BCAR3: variants seen among roughly 807,000 people sequenced by gnomAD.
BCAR3 encodes BCAR3 adaptor protein, NSP family member.
In BCAR3, 37 loss-of-function variants were observed where a neutral mutation model predicts 80.1. That is an observed-to-expected ratio of 0.46 (90% CI 0.36 to 0.61). The LOEUF is 0.61. Ranked by LOEUF, BCAR3 falls within the 20% of genes least tolerant of loss-of-function variation. The pLI, the probability that BCAR3 is intolerant of heterozygous loss-of-function variation, is 0.00. For synonymous variants in BCAR3, 389 were observed against 418.9 expected (o/e 0.93, Z 0.87); for missense variants, 978 against 1,068.2 (o/e 0.92, Z 1.18).
intron 2 of BCAR3, among the ~76,000 whole-genome samples, chr1:93,740,644 G>A (rs760201075): frequency 7.2e-5 from 11 of 151,780 alleles, no homozygotes; most frequent in Non-Finnish European, 1.0e-4. Flanking sequence ...GCTCCTTCCC[G>A]CCCCAAAAAC....
chr1:93,569,483 CCT>C (rs1286959901), intron 9 of BCAR3, among the ~76,000 whole-genome samples: 1 of 152,260 alleles, frequency 6.6e-6, no homozygotes, highest in Non-Finnish European at 1.5e-5. Context: ...ACACCCACTC[CCT>C]GAGGCATTGC....
chr1:93,728,801 CT>C (rs1048011136), intron 2 of BCAR3, among the ~76,000 whole-genome samples: 15 of 152,276 alleles, frequency 9.9e-5, no homozygotes, highest in African/African-American at 3.6e-4. Flanking sequence ...ATCCAGCCAT[CT>C]GTGTGTCTGC....
intron 2 of BCAR3, among the ~76,000 whole-genome samples, chr1:93,659,173 G>C (rs1647532675): frequency 6.6e-6 from 1 of 152,134 alleles, no homozygotes; most frequent in Non-Finnish European, 1.5e-5. Flanking sequence ...GGGAAACAGA[G>C]ATAGCAACAG....
chr1:93,675,925 C>CAAAAAAAAAAAAAAAAAAA lies in BCAR3; in HGVS notation c.-11-1003_-11-985dup, dbSNP rs58706715. Among the ~76,000 whole-genome samples, 6 of 51,440 alleles carry CAAAAAAAAAAAAAAAAAAA rather than the reference C, an allele frequency of 1.2e-4. 1 individual carries two copies. The highest frequency in any genetic ancestry group is 2.1e-4 in the African/African-American group (4 of 19,036). The allele number at this position is 51,440 out of a possible 152,430, so 33.7% of individuals were successfully genotyped here. On this transcript the variant is annotated intron_variant, in intron 1 of 11. Coordinates refer to ENST00000260502, the MANE Select transcript of BCAR3 (RefSeq NM_003567.4). ...CACACAGAGGAAAAGAAATAGGAGA[C>CAAAAAAAAAAAAAAAAAAA]AAAAAAAAAAAAAAAAAAAAAAAAA...
chr1:93,837,969 C>T (rs1654826945), intron 2 of BCAR3, among the ~76,000 whole-genome samples: 2 of 152,188 alleles, frequency 1.3e-5, no homozygotes, highest in Non-Finnish European at 2.9e-5. Context: ...AGCATGGACT[C>T]TTGTTAGGAC....
Position 93,576,080 on chromosome 1 carries a change from A to C in BCAR3, c.1736T>G (p.Val579Gly). 15 of 1,613,960 alleles carry C rather than the reference A, an allele frequency of 9.3e-6. No individual in the cohort carries two copies. Among genetic ancestry groups the C allele is most frequent in the Non-Finnish European group, 1.3e-5 (15 of 1,179,998 alleles). The change falls in exon 8 of 12, where the codon GTG (valine) becomes GGG (glycine). Residue 579 changes from valine (V) to glycine (G), a missense_variant. Coordinates refer to ENST00000260502, the MANE Select transcript of BCAR3 (RefSeq NM_003567.4). ...VSEEMRRNMGVSSGLELITLP... is the reference protein window; with the variant it reads ...VSEEMRRNMGGSSGLELITLP... ...GGTAATGAGTTCCAGGCCTGAGCTCACCCCCATGTTCCTCCTCATCTCTTC... is the reference window on the plus strand; with the variant it reads ...GGTAATGAGTTCCAGGCCTGAGCTCCCCCCCATGTTCCTCCTCATCTCTTC...
chr1:93,803,683 G>T (rs756780158), intron 2 of BCAR3, among the ~76,000 whole-genome samples: 11 of 152,118 alleles, frequency 7.2e-5, no homozygotes, highest in East Asian at 3.9e-4. Flanking sequence ...GTCCCAAAAG[G>T]TTAAAATAAC....
In BCAR3 at chr1:93,568,425, C is replaced by G. The variant is rs991088995; in HGVS notation, c.1975-574G>C. 2.6e-5 allele frequency among the ~76,000 whole-genome samples: 4 copies of G among 152,240 alleles called. No homozygotes were observed. The East Asian group carries it at 7.7e-4, about 29-fold the overall frequency. On this transcript the variant is annotated intron_variant, in intron 9 of 11. Transcript: ENST00000260502. ...TGCTGGCCAGTCCACTGTCAAAATT[C>G]AAGGCAGTATTGGATGAGAGGAAAT... is the stretch of plus-strand genomic sequence containing the variant.
chr1:93,776,685 T>C (rs1652563773), intron 2 of BCAR3, among the ~76,000 whole-genome samples: 1 of 152,232 alleles, frequency 6.6e-6, no homozygotes, highest in South Asian at 2.1e-4. Flanking sequence ...CTGCCTGTGG[T>C]ATTTTTTAAC....
chr1:93,684,310 C>A (rs1323858611), upstream of BCAR3, among the ~76,000 whole-genome samples: 1 of 152,136 alleles, frequency 6.6e-6, no homozygotes, highest in Non-Finnish European at 1.5e-5. Flanking sequence ...TACTGCATAA[C>A]CTACAAAGTT....
In BCAR3 at chr1:93,711,471, G is replaced by A. The variant is rs370458114; in HGVS notation, c.-62-5329C>T. 1.8e-4 allele frequency among the ~76,000 whole-genome samples: 28 copies of A among 152,294 alleles called. 1 individual carries two copies. The highest frequency in any genetic ancestry group is 9.7e-4 in the East Asian group (5 of 5,180). ...TTCAAGAATGAGAATGGATAGGTATGAGGCCTCTTAAGGGCAAGATTTGGA... is the reference window on the plus strand; with the variant it reads ...TTCAAGAATGAGAATGGATAGGTATAAGGCCTCTTAAGGGCAAGATTTGGA... On this transcript the variant is annotated intron_variant, in intron 2 of 13. Transcript: ENST00000370244.
intron 2 of BCAR3, among the ~76,000 whole-genome samples, chr1:93,745,006 T>C (rs1651307629): frequency 6.6e-6 from 1 of 152,300 alleles, no homozygotes; most frequent in Admixed American, 6.5e-5. Flanking sequence ...TAGCTAGAAA[T>C]CAGGCAAGCA....
intron 3 of BCAR3, among the ~76,000 whole-genome samples, chr1:93,598,406 C>T (rs534735663): frequency 7.9e-5 from 12 of 152,312 alleles, no homozygotes; most frequent in South Asian, 6.2e-4. Flanking sequence ...AGAAAGGCTT[C>T]CTAGTTCCCA....
rs369754668 is a variant in BCAR3, at chr1:93,743,796, C to T, written c.-62-37654G>A. Among the ~76,000 whole-genome samples the T allele has an allele frequency of 2.6e-4, 40 of 152,320 alleles. 3 individuals are homozygous for T. The highest frequency in any genetic ancestry group is 1.2e-3 in the Admixed American group (19 of 15,298). On this transcript the variant is annotated intron_variant, in intron 2 of 13. Coordinates refer to the BCAR3 transcript ENST00000370244. ...AAATAGGTATTTATTTAATGTGTCT[C>T]TTTGTATAAAGATCATAGATTGGTC... is the stretch of plus-strand genomic sequence containing the variant.
chr1:93,703,736 T>C (rs912521635), intron 3 of BCAR3, among the ~76,000 whole-genome samples: 3 of 152,158 alleles, frequency 2.0e-5, no homozygotes, highest in African/African-American at 7.2e-5. Context: ...ACCCAGATAT[T>C]CTCCTAGGCA....
chr1:93,663,832 T>A (rs1481544663), intron 2 of BCAR3, among the ~76,000 whole-genome samples: 1 of 152,190 alleles, frequency 6.6e-6, no homozygotes, highest in Admixed American at 6.5e-5. Context: ...GGAGTCAGTC[T>A]TTCATTCACA....
chr1:93,740,513 G>A (rs1282173124), intron 2 of BCAR3, among the ~76,000 whole-genome samples: 1 of 152,202 alleles, frequency 6.6e-6, no homozygotes, highest in East Asian at 1.9e-4. Context: ...CTTCCAGCAA[G>A]ATGCAGGGAG....
intron 2 of BCAR3, among the ~76,000 whole-genome samples, chr1:93,787,682 A>G (rs1222984273): frequency 2.0e-5 from 3 of 152,254 alleles, no homozygotes; most frequent in South Asian, 4.1e-4. Context: ...AAGATACTTG[A>G]TATGATTTCA....
intron 2 of BCAR3, among the ~76,000 whole-genome samples, chr1:93,767,095 T>C (rs1029115245): frequency 2.0e-5 from 3 of 152,198 alleles, no homozygotes; most frequent in African/African-American, 7.2e-5. Flanking sequence ...AGTTGACTGA[T>C]TTTTGAATCT....
Sources: allele counts gnomAD v4.1 joint callset (sites outside exome capture counted in the v4.1 genomes callset), GRCh38; gene constraint gnomAD v4.1.1; transcripts MANE v1.5; gene names NCBI Gene and HGNC (gene_info 2026-07-23, HGNC 2026-07-21).